NFX1: variants seen among roughly 807,000 people sequenced by gnomAD.
NFX1 encodes the protein nuclear transcription factor, X-box binding 1, also known as transcriptional repressor NF-X1.
A neutral mutation model predicts 137.2 loss-of-function variants in NFX1; 69 were observed. That is an observed-to-expected ratio of 0.50 (90% CI 0.41 to 0.61). NFX1 has a LOEUF of 0.61. NFX1 is among the 20% of genes least tolerant of loss of function. The pLI is 0.00. For missense variants in NFX1, 1,167 were observed against 1,391.0 expected (o/e 0.84, Z 2.56); for synonymous variants, 495 against 474.1 (o/e 1.04, Z -0.57).
At chr9:33,348,851 T>C in intron 15 of NFX1, 1 of 883,474 alleles carries the variant, frequency 1.1e-6, no homozygotes, top group Non-Finnish European at 1.4e-6. Context: ...AAGATGATAC[T>C]GTTTGCTACA....
intron 12 of NFX1, among the ~76,000 whole-genome samples, chr9:33,340,042 C>T (rs113516912): frequency 0.021 from 3,209 of 152,314 alleles, 129 homozygotes; most frequent in African/African-American, 0.073. Context: ...ATCTCCCATT[C>T]TGGGGTCTGG....
At chr9:33,300,534 T>C (rs1373581355) in intron 2 of NFX1, among the ~76,000 whole-genome samples, 2 of 152,188 alleles carry the variant, frequency 1.3e-5, no homozygotes, top group African/African-American at 4.8e-5. Flanking sequence ...ATACACACAC[T>C]CACACTCAGT....
intron 7 of NFX1, among the ~76,000 whole-genome samples, chr9:33,316,605 T>C (rs1285501795): frequency 1.3e-5 from 2 of 152,228 alleles, no homozygotes; most frequent in African/African-American, 2.4e-5. Context: ...ATTTTGGCCA[T>C]GTAAATAGTT....
At chr9:33,334,296 G>T (rs973262806) in intron 11 of NFX1, among the ~76,000 whole-genome samples, 2 of 152,040 alleles carry the variant, frequency 1.3e-5, no homozygotes, top group East Asian at 1.9e-4. Context: ...CTTTGCAAAA[G>T]AATTTTTAAA....
intron 9 of NFX1, among the ~76,000 whole-genome samples, chr9:33,324,390 T>C (rs1254468696): frequency 1.3e-5 from 2 of 151,156 alleles, no homozygotes; most frequent in Non-Finnish European, 3.0e-5. Flanking sequence ...AAAAAAATAA[T>C]AATAATTAAA....
At chr9:33,307,444 C>A (rs1821792743) in intron 5 of NFX1, 145 bp downstream of exon 5, 2 of 658,862 alleles carry the variant, frequency 3.0e-6, no homozygotes, top group South Asian at 1.8e-5. Flanking sequence ...CACCCTGTGC[C>A]AGGCACTCTA....
chr9:33,330,346 G>A (rs775667668), intron 10 of NFX1, among the ~76,000 whole-genome samples: 6 of 152,284 alleles, frequency 3.9e-5, no homozygotes, highest in Middle Eastern at 3.4e-3. Flanking sequence ...CCATAAATGG[G>A]AAGCTAGTTT....
Position 33,364,024 on chromosome 9 carries a change from C to G in NFX1, c.2888C>G (p.Ala963Gly), listed in dbSNP as rs777959054. ...CTCTCTTTCAGGAGATTAGCAGAGG[C>G]ATTTCATATCAGTGAGGATTCTGAT... Reference protein sequence around the residue: ...ALERKKRLAEAFHISEDSDPF... With the variant: ...ALERKKRLAEGFHISEDSDPF... Residue 963 changes from alanine to glycine, a missense_variant, in exon 20 of 24, where the codon GCA (alanine) becomes GGA (glycine). Transcript: ENST00000379540. The G allele has an allele frequency of 6.3e-7, 1 of 1,584,762 alleles. No individual in the cohort carries two copies. Among genetic ancestry groups the G allele is most frequent in the Non-Finnish European group, 8.6e-7 (1 of 1,166,654 alleles).
At chr9:33,318,112 G>C (rs1043935851) in intron 7 of NFX1, among the ~76,000 whole-genome samples, 1 of 150,224 alleles carries the variant, frequency 6.7e-6, no homozygotes, top group South Asian at 2.1e-4. Flanking sequence ...TTGTATATGT[G>C]ATTTTAAAAA....
At chr9:33,351,141 C>T (rs1305187895) in intron 15 of NFX1, among the ~76,000 whole-genome samples, 2 of 149,738 alleles carry the variant, frequency 1.3e-5, no homozygotes, top group Admixed American at 6.6e-5. Flanking sequence ...AGTGAGACTT[C>T]GTCTCAAAAT....
intron 16 of NFX1, among the ~76,000 whole-genome samples, chr9:33,352,153 C>T (rs1162759946): frequency 6.6e-6 from 1 of 152,202 alleles, no homozygotes; most frequent in African/African-American, 2.4e-5. Context: ...CATGGTTCCT[C>T]ACAATCTGAT....
rs1315492201 is a variant in NFX1 at position 33,352,705 on chromosome 9, T to C, written c.2715T>C (p.Ser905=). ...RKEMVICSEA[S]STYQRIAAIS... is the part of the protein sequence containing the mutation. ...AGATGGTGATTTGCTCTGAAGCATC[T>C]AGTACTTATCAAAGGTTAGTGTTAC... The change falls in exon 17 of 24, where the codon TCT becomes TCC. Residue 905 remains serine (S), a synonymous_variant. Transcript: ENST00000379540. The C allele has an allele frequency of 6.2e-7, 1 of 1,613,748 alleles. No individual in the cohort carries two copies. Among genetic ancestry groups the C allele is most frequent in the African/African-American group, 1.3e-5 (1 of 74,938 alleles).
At chr9:33,315,727 C>A (rs583428) in intron 7 of NFX1, among the ~76,000 whole-genome samples, 121,612 of 147,158 alleles carry the variant, frequency 0.83, 50,314 homozygotes, top group Non-Finnish European at 0.84. Flanking sequence ...TCTCTAACAA[C>A]AACAAAAAAA....
At chr9:33,367,719 A>T in intron 23 of NFX1, 100 bp downstream of exon 23, 1 of 1,109,408 alleles carries the variant, frequency 9.0e-7, no homozygotes, top group Non-Finnish European at 1.3e-6. Context: ...TGGCCTCCTC[A>T]GGCCTGGCCT....
At chr9:33,368,103 C>G (rs539964299) in intron 23 of NFX1, among the ~76,000 whole-genome samples, 1 of 152,150 alleles carries the variant, frequency 6.6e-6, no homozygotes, top group South Asian at 2.1e-4. Context: ...GGTGTGGTGG[C>G]GGGCACCTGT....
At chr9:33,296,394 C>T (rs1821356360) in intron 2 of NFX1, among the ~76,000 whole-genome samples, 1 of 152,144 alleles carries the variant, frequency 6.6e-6, no homozygotes, top group African/African-American at 2.4e-5. Flanking sequence ...TTTAGAATTT[C>T]TGTCACTCAG....
At chr9:33,295,473 A>G (rs750037320) in intron 2 of NFX1, 46 bp downstream of exon 2, 6 of 1,531,186 alleles carry the variant, frequency 3.9e-6, no homozygotes, top group Non-Finnish European at 5.3e-6. Context: ...TTTTAATTTA[A>G]ATTTTTAAAT....
intron 7 of NFX1, among the ~76,000 whole-genome samples, chr9:33,315,903 A>AAG (rs1822146730): frequency 6.6e-6 from 1 of 150,574 alleles, no homozygotes; most frequent in Admixed American, 6.6e-5. Context: ...AAAAAAAAAA[A>AAG]GTGGCCAGAT....
chr9:33,342,187 A>C (rs892679752), intron 12 of NFX1, among the ~76,000 whole-genome samples: 1 of 77,914 alleles, frequency 1.3e-5, no homozygotes, highest in Admixed American at 1.3e-4. Context: ...TAAAATTTCA[A>C]ACTGGCTCAT....
Sources: gnomAD v4.1 joint callset for allele counts (sites outside exome capture counted in the v4.1 genomes callset) on GRCh38, gnomAD v4.1.1 for gene constraint, MANE v1.5 for transcripts, NCBI Gene and HGNC (gene_info 2026-07-23, HGNC 2026-07-21) for gene names.